The following ESRRG variants were observed in gnomAD, a reference collection of about 807,000 sequenced individuals.
ESRRG encodes the protein estrogen related receptor gamma.
ESRRG carries 13 observed loss-of-function variants against 44.0 expected under a neutral mutation model. That is an observed-to-expected ratio of 0.30 (90% CI 0.19 to 0.47). The LOEUF is 0.47. ESRRG is among the 20% of genes least tolerant of loss of function. ESRRG has a pLI of 1.00. For missense variants in ESRRG, 395 were observed against 580.6 expected, an observed-to-expected ratio of 0.68 and a Z score of 3.29; for synonymous variants, 215 against 214.6, an observed-to-expected ratio of 1.00 and a Z score of -0.02.
At chr1:216,816,474 C>T (rs750456924) in intron 2 of ESRRG, among the ~76,000 whole-genome samples, 2 of 152,124 alleles carry the variant, frequency 1.3e-5, no homozygotes, top group Non-Finnish European at 2.9e-5. Flanking sequence ...GTTGGTTAAA[C>T]AGTGAATACT....
At chr1:217,069,321 T>C (rs765346264) in intron 1 of ESRRG, among the ~76,000 whole-genome samples, 27 of 152,192 alleles carry the variant, frequency 1.8e-4, no homozygotes, top group Middle Eastern at 3.4e-3. Flanking sequence ...AGCTTGTAGA[T>C]AGCCTATTGC....
At chr1:216,845,770 C>T (rs757144986) in intron 2 of ESRRG, among the ~76,000 whole-genome samples, 2 of 152,216 alleles carry the variant, frequency 1.3e-5, no homozygotes, top group South Asian at 2.1e-4. Context: ...TTCTCCCAGT[C>T]GCTACTCTTA....
intron 1 of ESRRG, among the ~76,000 whole-genome samples, chr1:217,122,175 T>A (rs1403759404): frequency 6.6e-6 from 1 of 152,230 alleles, no homozygotes; most frequent in Admixed American, 6.5e-5. Flanking sequence ...TTTTAAGGGA[T>A]CTTCTTTTAT....
At chr1:216,587,660 T>C (rs920682123) in intron 3 of ESRRG, among the ~76,000 whole-genome samples, 2 of 152,188 alleles carry the variant, frequency 1.3e-5, no homozygotes, top group African/African-American at 2.4e-5. Context: ...TGCTCAGAAT[T>C]TTTTTAAAAT....
At chr1:216,680,404 T>C (rs977251703) in intron 1 of ESRRG, among the ~76,000 whole-genome samples, 4 of 152,064 alleles carry the variant, frequency 2.6e-5, no homozygotes, top group African/African-American at 4.8e-5. Context: ...CAGAAATGTC[T>C]TGAAGACAAC....
chr1:216,896,003 A>G (rs993911226), intron 2 of ESRRG, among the ~76,000 whole-genome samples: 5 of 152,222 alleles, frequency 3.3e-5, no homozygotes, highest in African/African-American at 1.2e-4. Flanking sequence ...TCATTCGTCT[A>G]CCAAGTCCAA....
In ESRRG at chr1:216,597,883, G is replaced by A. The variant is rs146692692; in HGVS notation, c.590-29785C>T. ...GAAAATGAGTGACTTGATCATACTC[G>A]TATTTTAGAAAGACCTTCATTCAAC... On this transcript the variant is annotated intron_variant, in intron 3 of 6. Transcript: ENST00000408911. Among the ~76,000 whole-genome samples the A allele has an allele frequency of 3.7e-4, 57 of 152,258 alleles. 1 individual carries two copies. The East Asian group carries it at 8.7e-3, about 23-fold the overall frequency.
intron 2 of ESRRG, chr1:216,863,052 A>G (rs1196249133): frequency 6.6e-6 from 1 of 152,224 alleles, no homozygotes; most frequent in Non-Finnish European, 1.5e-5. Flanking sequence ...AAATACATGA[A>G]AAAAAGTAGA....
intron 3 of ESRRG, among the ~76,000 whole-genome samples, chr1:216,620,774 C>T (rs1293218213): frequency 2.0e-5 from 3 of 152,130 alleles, no homozygotes; most frequent in Admixed American, 2.0e-4. Context: ...TGGCAATATA[C>T]CCTTATCCAC....
chr1:216,690,468 A>G (rs1246035942), intron 1 of ESRRG, among the ~76,000 whole-genome samples: 1 of 152,116 alleles, frequency 6.6e-6, no homozygotes, highest in Non-Finnish European at 1.5e-5. Context: ...TAGAAATCAC[A>G]GTGGTTTTCT....
intron 2 of ESRRG, among the ~76,000 whole-genome samples, chr1:216,840,664 A>G (rs1284812283): frequency 1.3e-5 from 2 of 152,216 alleles, no homozygotes. Flanking sequence ...TCTTTCCTTC[A>G]CTTGAACACT....
chr1:216,583,380 A>G (rs2063168296), intron 3 of ESRRG, among the ~76,000 whole-genome samples: 2 of 152,234 alleles, frequency 1.3e-5, no homozygotes, highest in Non-Finnish European at 2.9e-5. Flanking sequence ...TGACAGAAGT[A>G]CTGGCTTCTC....
chr1:216,645,706 T>C (rs987126234), intron 3 of ESRRG, among the ~76,000 whole-genome samples: 1 of 151,714 alleles, frequency 6.6e-6, no homozygotes, highest in Non-Finnish European at 1.5e-5. Context: ...ATGCCATTTC[T>C]AAGGAAAAAA....
chr1:217,042,367 G>A (rs1455503960), intron 1 of ESRRG, among the ~76,000 whole-genome samples: 1 of 151,910 alleles, frequency 6.6e-6, no homozygotes, highest in Admixed American at 6.6e-5. Context: ...CCCAAGAATG[G>A]AGAGCACTGC....
chr1:216,670,638 G>A lies in ESRRG; in HGVS notation c.472+6438C>T, dbSNP rs115821830. 8.4e-3 allele frequency among the ~76,000 whole-genome samples: 1,281 copies of A among 152,316 alleles called. 19 individuals are homozygous for A. Among genetic ancestry groups the A allele is most frequent in the African/African-American group, 0.029 (1,209 of 41,566 alleles). ...CCCATGGAAGTGCCAGGGCCTGAGC[G>A]GGACTCTCTCTTGGGTCTGTTCTCT... On this transcript the variant is annotated intron_variant, in intron 2 of 6. Coordinates refer to ENST00000408911, the MANE Select transcript of ESRRG (RefSeq NM_001438.4).
chr1:216,993,049 T>C (rs1350593138), intron 1 of ESRRG, among the ~76,000 whole-genome samples: 1 of 152,228 alleles, frequency 6.6e-6, no homozygotes, highest in Non-Finnish European at 1.5e-5. Context: ...CCAACCCGAA[T>C]GTAAGTTTCA....
chr1:216,971,565 A>C (rs2071669573), intron 1 of ESRRG, among the ~76,000 whole-genome samples: 1 of 152,240 alleles, frequency 6.6e-6, no homozygotes. Context: ...TCAATACTGC[A>C]GAGAAAAATG....
intron 2 of ESRRG, among the ~76,000 whole-genome samples, chr1:216,838,928 G>A (rs2095609055): frequency 6.6e-6 from 1 of 152,146 alleles, no homozygotes; most frequent in Admixed American, 6.5e-5. Context: ...ATTGATTAGA[G>A]TGGTGGTTGC....
chr1:217,021,017 A>T (rs1435582542), intron 1 of ESRRG, among the ~76,000 whole-genome samples: 1 of 149,350 alleles, frequency 6.7e-6, no homozygotes, highest in African/African-American at 2.4e-5. Context: ...TCATACTAGG[A>T]GAACCCCCCC....
Sources: allele counts gnomAD v4.1 joint callset (sites outside exome capture counted in the v4.1 genomes callset), GRCh38; gene constraint gnomAD v4.1.1; transcripts MANE v1.5; gene names NCBI Gene and HGNC (gene_info 2026-07-23, HGNC 2026-07-21).